The following KCNK9 variants were observed in gnomAD, a reference collection of about 807,000 sequenced individuals.
The protein encoded by KCNK9 is potassium two pore domain channel subfamily K member 9, also known as potassium channel subfamily K member 9.
KCNK9 carries 1 observed loss-of-function variant against 10.8 expected under a neutral mutation model. The observed-to-expected ratio is 0.09, with a 90% CI of 0.03 to 0.44. The LOEUF (loss-of-function observed/expected upper bound fraction) is 0.44, where lower values mean the gene tolerates loss of function less well. Ranked by LOEUF, KCNK9 falls within the 20% of genes least tolerant of loss-of-function variation. The probability of loss-of-function intolerance (pLI) is 0.97; values close to 1 mark genes in which losing one functional copy is unlikely to be tolerated. For synonymous variants in KCNK9, 231 were observed against 222.7 expected (o/e 1.04, Z -0.33); for missense variants, 303 against 515.0 (o/e 0.59, Z 3.98).
At chr8:139,660,938 A>G (rs1816137067) in intron 1 of KCNK9, among the ~76,000 whole-genome samples, 1 of 152,186 alleles carries the variant, frequency 6.6e-6, no homozygotes. Flanking sequence ...CCATGGGAGC[A>G]TCCTCAACCC....
chr8:139,637,034 A>C (rs1815359389), intron 1 of KCNK9, among the ~76,000 whole-genome samples: 1 of 152,266 alleles, frequency 6.6e-6, no homozygotes, highest in Admixed American at 6.5e-5. Flanking sequence ...AGGCTGACCA[A>C]AAGACAAAAA....
At chr8:139,647,909 C>A (rs1815740434) in intron 1 of KCNK9, among the ~76,000 whole-genome samples, 1 of 152,130 alleles carries the variant, frequency 6.6e-6, no homozygotes. Flanking sequence ...CCTAGAATTG[C>A]CACATGACCC....
chr8:139,661,472 G>A (rs916833608), intron 1 of KCNK9, among the ~76,000 whole-genome samples: 1 of 152,210 alleles, frequency 6.6e-6, no homozygotes, highest in Non-Finnish European at 1.5e-5. Context: ...GGTCGTGGGT[G>A]TCCCCTGCCA....
rs572067140 is a variant in KCNK9, at chr8:139,632,407, C to T, written c.284-13308G>A. 1.1e-4 allele frequency among the ~76,000 whole-genome samples: 17 copies of T among 152,318 alleles called. 1 individual carries two copies. Among genetic ancestry groups the T allele is most frequent in the Admixed American group, 1.0e-3 (16 of 15,296 alleles). ...CAAACTGGCTTCCACCAGGGCCTCC[C>T]GCGTGGAAGGATGCTCATTTTCTCA... On this transcript the variant is annotated intron_variant, in intron 1 of 1. Transcript: ENST00000520439.
chr8:139,703,030 G>A lies in KCNK9; in HGVS notation c.-38C>T. ...GGAGCCGGCGCGGGGGGCATGTCCC[G>A]CAGGCTCACAGCCGCGCGCGTCCCA... On this transcript the variant is annotated 5_prime_UTR_variant, in exon 1 of 2. Coordinates refer to ENST00000520439, the MANE Select transcript of KCNK9 (RefSeq NM_001282534.2). The surrounding 1 kb of genome is among the most constrained non-coding windows in gnomAD (Gnocchi z 6.4). The A allele has an allele frequency of 2.6e-6, 4 of 1,537,218 alleles. No homozygotes were observed. Among genetic ancestry groups the A allele is most frequent in the Non-Finnish European group, 2.6e-6 (3 of 1,145,548 alleles).
rs117327566 is a variant in KCNK9, at chr8:139,629,566, A to G, written c.284-10467T>C. ...GGGCATTACAGTGCAGATAAACCTTAGTCAGCTCAAGCTGGGCTGCCATAA... is the reference window on the plus strand; with the variant it reads ...GGGCATTACAGTGCAGATAAACCTTGGTCAGCTCAAGCTGGGCTGCCATAA... On this transcript the variant is annotated intron_variant, in intron 1 of 1. Coordinates refer to ENST00000520439, the MANE Select transcript of KCNK9 (RefSeq NM_001282534.2). 7.4e-4 allele frequency among the ~76,000 whole-genome samples: 113 copies of G among 152,334 alleles called. 3 individuals are homozygous for G. The East Asian group carries it at 0.021, about 29-fold the overall frequency.
intron 2 of KCNK9, among the ~76,000 whole-genome samples, chr8:139,604,077 G>A (rs895022926): frequency 1.3e-5 from 2 of 152,218 alleles, no homozygotes; most frequent in African/African-American, 4.8e-5. Context: ...TGCAGGCCGT[G>A]AGACTAATGT....
chr8:139,613,653 C>T (rs532337649), downstream of KCNK9, among the ~76,000 whole-genome samples: 131 of 152,352 alleles, frequency 8.6e-4, no homozygotes, highest in Non-Finnish European at 1.5e-3. Flanking sequence ...CTCACCCAAG[C>T]TGTCTCGTTG....
At chr8:139,615,502 A>AG (rs1233687529), downstream of KCNK9, among the ~76,000 whole-genome samples, 8 of 152,120 alleles carry the variant, frequency 5.3e-5, no homozygotes, top group Admixed American at 2.0e-4. Flanking sequence ...AGACCACAGC[A>AG]GGGGGAAGAG....
intron 1 of KCNK9, among the ~76,000 whole-genome samples, chr8:139,656,228 G>C (rs1157454764): frequency 1.3e-5 from 2 of 152,150 alleles, no homozygotes; most frequent in South Asian, 2.1e-4. Context: ...CAAGCAGCTT[G>C]GTCTTCAGGA....
Position 139,687,476 on chromosome 8 carries a change from A to ATG in KCNK9, c.283+15232_283+15233dup, listed in dbSNP as rs1341111618. Among the ~76,000 whole-genome samples the ATG allele has an allele frequency of 5.5e-3, 495 of 89,966 alleles. 180 individuals are homozygous for ATG. Among genetic ancestry groups the ATG allele is most frequent in the Non-Finnish European group, 8.3e-3 (361 of 43,496 alleles). The allele number at this position is 89,966 out of a possible 152,430, so 59.0% of individuals were successfully genotyped here. A position where few individuals can be genotyped will look rare whatever the true frequency, so the allele number is the denominator to read the frequency against. ...CATATATATTCATATATTCATATAT[A>ATG]TGTATACATATATACACATATATAC... On this transcript the variant is annotated intron_variant, in intron 1 of 1. Coordinates refer to ENST00000520439, the MANE Select transcript of KCNK9 (RefSeq NM_001282534.2).
chr8:139,645,936 G>A (rs140139226), intron 1 of KCNK9, among the ~76,000 whole-genome samples: 5 of 152,140 alleles, frequency 3.3e-5, no homozygotes, highest in East Asian at 1.9e-4. Flanking sequence ...CTATTGAGAC[G>A]GCACCCCACC....
chr8:139,674,282 G>C (rs1034196310), intron 1 of KCNK9, among the ~76,000 whole-genome samples: 1 of 152,172 alleles, frequency 6.6e-6, no homozygotes, highest in African/African-American at 2.4e-5. Context: ...TCTGCCATGC[G>C]AGGATACAGC....
At chr8:139,614,110 GA>G (rs1257698741), downstream of KCNK9, among the ~76,000 whole-genome samples, 1 of 152,196 alleles carries the variant, frequency 6.6e-6, no homozygotes, top group Non-Finnish European at 1.5e-5. Context: ...AGGCCTCTGA[GA>G]AACCCTGTTC....
chr8:139,632,162 A>T (rs796264646), intron 1 of KCNK9, among the ~76,000 whole-genome samples: 1 of 152,208 alleles, frequency 6.6e-6, no homozygotes, highest in African/African-American at 2.4e-5. Flanking sequence ...CCCATTCTGC[A>T]TGGGAGGTAG....
intron 1 of KCNK9, among the ~76,000 whole-genome samples, chr8:139,650,840 T>G (rs1305785572): frequency 1.3e-5 from 2 of 152,060 alleles, no homozygotes; most frequent in African/African-American, 4.8e-5. Flanking sequence ...AGCCTGGCCA[T>G]CGTCATTCGG....
intron 1 of KCNK9, among the ~76,000 whole-genome samples, chr8:139,637,972 A>G (rs1384854391): frequency 6.6e-6 from 1 of 152,078 alleles, no homozygotes; most frequent in Non-Finnish European, 1.5e-5. Flanking sequence ...CTGTGCTAGT[A>G]CCAACACATG....
At chr8:139,628,432 A>G (rs1815045878) in intron 1 of KCNK9, among the ~76,000 whole-genome samples, 1 of 152,182 alleles carries the variant, frequency 6.6e-6, no homozygotes, top group Non-Finnish European at 1.5e-5. Flanking sequence ...CACAATCGCC[A>G]TGGAGAACTT....
rs181250189 is a variant in KCNK9 at position 139,659,181 on chromosome 8, C to T, written c.284-40082G>A. ...CCTAAACACCTGCGTGGATACGACC[C>T]TGACTCTTGGCCGCTGTCAGGGACT... On this transcript the variant is annotated intron_variant, in intron 1 of 1. Transcript: ENST00000520439. Among the ~76,000 whole-genome samples, 13 of 152,342 alleles carry T rather than the reference C, an allele frequency of 8.5e-5. No homozygotes were observed. The East Asian group carries it at 2.5e-3, about 29-fold the overall frequency.
Sources: gnomAD v4.1 joint callset for allele counts (sites outside exome capture counted in the v4.1 genomes callset) on GRCh38, gnomAD v4.1.1 for gene constraint, Gnocchi (gnomAD v3.1) non-coding constraint, MANE v1.5 for transcripts, NCBI Gene and HGNC (gene_info 2026-07-23, HGNC 2026-07-21) for gene names.